OTOGL: variants seen among roughly 807,000 people sequenced by gnomAD.
The protein encoded by OTOGL is otogelin-like protein.
OTOGL carries 285 observed loss-of-function variants against 318.5 expected under a neutral mutation model. The ratio of observed to expected loss-of-function variants is 0.89; its 90% CI spans 0.81 to 0.99. The LOEUF (loss-of-function observed/expected upper bound fraction) is 0.99, where lower values mean the gene tolerates loss of function less well. OTOGL is among the 50% of genes least tolerant of loss of function. The pLI is 0.00. For missense variants in OTOGL, 2,899 were observed against 2,845.6 expected, an observed-to-expected ratio of 1.02 and a Z score of -0.43; for synonymous variants, 987 against 936.5, an observed-to-expected ratio of 1.05 and a Z score of -0.99.
chr12:80,313,517 A>G lies in OTOGL; in HGVS notation c.3492A>G (p.Thr1164=), dbSNP rs750664320. The G allele has an allele frequency of 2.5e-6, 4 of 1,612,442 alleles. No individual in the cohort carries two copies. The highest frequency in any genetic ancestry group is 2.2e-5 in the East Asian group (1 of 44,810). ...TTGCCAAAAATTGTCATGAAGATAC[A>G]TGTAACTGCAATCTTGGTGGCGACT... The part of the protein sequence containing the change: ...TSFAKNCHED[T]CNCNLGGDCE... Residue 1164 remains threonine (T), a synonymous_variant, in exon 31 of 59, where the codon ACA becomes ACG. Transcript: ENST00000547103.
intron 1 of OTOGL, among the ~76,000 whole-genome samples, chr12:80,175,570 T>G (rs1874473798): frequency 6.6e-6 from 1 of 152,164 alleles, no homozygotes; most frequent in South Asian, 2.1e-4. Flanking sequence ...GGAATGTGTG[T>G]TCTTTTATCT....
rs1262015121 is a variant in OTOGL, at chr12:80,307,871, AC to A, written c.3333+2183del. Among the ~76,000 whole-genome samples, 10 of 101,246 alleles carry A rather than the reference AC, an allele frequency of 9.9e-5. No homozygotes were observed. The South Asian group carries it at 3.1e-3, about 32-fold the overall frequency. 66.4% of individuals were successfully genotyped at this position (101,246 alleles called of 152,430 possible). On this transcript the variant is annotated intron_variant, in intron 29 of 58. Transcript: ENST00000547103. ...GGGCGGCTGGCCGGGCGGGGGGCTG[AC>A]CCCCCCACCTCCCTCCCTCCCGGAC...
At chr12:80,107,469 G>A (rs573676581) in intron 1 of OTOGL, among the ~76,000 whole-genome samples, 15 of 152,248 alleles carry the variant, frequency 9.9e-5, no homozygotes, top group African/African-American at 2.2e-4. Flanking sequence ...GTGAGGTTGC[G>A]GAGAAGAGGA....
At chr12:80,294,598 C>A (rs1250967811) in intron 26 of OTOGL, among the ~76,000 whole-genome samples, 1 of 152,100 alleles carries the variant, frequency 6.6e-6, no homozygotes, top group African/African-American at 2.4e-5. Flanking sequence ...AAGCTCCCAG[C>A]ATCTATGAAG....
At chr12:80,200,273 C>T (rs746827414) in intron 1 of OTOGL, among the ~76,000 whole-genome samples, 28 of 152,070 alleles carry the variant, frequency 1.8e-4, no homozygotes, top group Non-Finnish European at 3.8e-4. Context: ...AGCACAATTT[C>T]CTAAGATGTG....
At chr12:80,115,426 G>T (rs1870101185) in intron 1 of OTOGL, among the ~76,000 whole-genome samples, 1 of 152,134 alleles carries the variant, frequency 6.6e-6, no homozygotes, top group African/African-American at 2.4e-5. Context: ...ACCCGCTGAG[G>T]CTGCATAACA....
intron 32 of OTOGL, 130 bp from the exon 33 acceptor site, chr12:80,318,416 T>C: frequency 1.8e-6 from 1 of 540,638 alleles, no homozygotes; most frequent in Non-Finnish European, 2.8e-6. Context: ...ATTCAGTTAT[T>C]TTATTAGTGA....
chr12:80,292,264 AG>A (rs1885095712), intron 26 of OTOGL, among the ~76,000 whole-genome samples: 1 of 152,366 alleles, frequency 6.6e-6, no homozygotes, highest in East Asian at 1.9e-4. Context: ...CTGAGATTAC[AG>A]GCATGAGCCA....
intron 1 of OTOGL, among the ~76,000 whole-genome samples, chr12:80,205,508 A>G (rs994697657): frequency 3.9e-5 from 6 of 152,208 alleles, no homozygotes; most frequent in Admixed American, 3.3e-4. Context: ...TTCTAAAATT[A>G]TATGAAACAT....
At chr12:80,243,908 C>A (rs1330571865) in intron 11 of OTOGL, among the ~76,000 whole-genome samples, 1 of 148,334 alleles carries the variant, frequency 6.7e-6, no homozygotes, top group Non-Finnish European at 1.5e-5. Flanking sequence ...GAAATTTGAT[C>A]CTCCTTCTCT....
rs1328196696 is a variant in OTOGL at position 80,278,288 on chromosome 12, A to C, written c.2789+13A>C. ...CGTGTTACACCTGGTAAGGAGATCC[A>C]TTTATTTCACAAATATTTTCCTAAG... On this transcript the variant is annotated intron_variant, in intron 25 of 58. Transcript: ENST00000547103. 1.1e-5 allele frequency: 16 copies of C among 1,474,690 alleles called. No individual in the cohort carries two copies. The highest frequency in any genetic ancestry group is 1.5e-5 in the Non-Finnish European group (16 of 1,081,906). 91.4% of individuals were successfully genotyped at this position (1,474,690 alleles called of 1,614,324 possible).
intron 7 of OTOGL, among the ~76,000 whole-genome samples, chr12:80,225,269 T>C (rs916554772): frequency 1.3e-5 from 2 of 152,024 alleles, no homozygotes; most frequent in African/African-American, 4.8e-5. Flanking sequence ...CTCACTTGAA[T>C]ACCCTTTGAC....
intron 29 of OTOGL, among the ~76,000 whole-genome samples, chr12:80,307,513 C>G (rs1261211477): frequency 2.0e-5 from 3 of 147,726 alleles, no homozygotes; most frequent in Non-Finnish European, 4.5e-5. Context: ...TAGGGGCGGC[C>G]GGGCGGAGGC....
chr12:80,211,732 G>C (rs1877270240), intron 3 of OTOGL, among the ~76,000 whole-genome samples: 1 of 152,078 alleles, frequency 6.6e-6, no homozygotes, highest in Admixed American at 6.5e-5. Flanking sequence ...GGAGAAATTT[G>C]GGGACACTTC....
chr12:80,152,499 G>C (rs1452516730), intron 1 of OTOGL, among the ~76,000 whole-genome samples: 1 of 152,082 alleles, frequency 6.6e-6, no homozygotes, highest in East Asian at 1.9e-4. Flanking sequence ...TGACAAAATA[G>C]ATGGAAATAA....
Position 80,254,547 on chromosome 12 carries a change from AC to A in OTOGL, c.1419del (p.Cys474AlafsTer13), listed in dbSNP as rs778248137. The stretch of plus-strand genomic sequence containing the variant: ...AGTGTGTGTGTTGGTGGAGTTTGGA[AC>A]TGCACTGAGCAAGACTGTCCAGGTA... ...TECVCVGGVW[N>X]CTEQDCPVQC... On this transcript the variant is annotated frameshift_variant, in exon 15 of 59. Coordinates refer to ENST00000547103, the MANE Select transcript of OTOGL (RefSeq NM_001378609.3). LOFTEE classifies it high-confidence loss of function. The A allele has an allele frequency of 6.2e-7, 1 of 1,608,658 alleles. No homozygotes were observed. Among genetic ancestry groups the A allele is most frequent in the Admixed American group, 1.7e-5 (1 of 59,792 alleles).
chr12:80,328,210 T>C (rs1361811758), intron 35 of OTOGL, among the ~76,000 whole-genome samples: 2 of 151,820 alleles, frequency 1.3e-5, no homozygotes, highest in Non-Finnish European at 2.9e-5. Flanking sequence ...TCCAAGCTAC[T>C]CAGGAGGCTG....
chr12:80,204,277 A>G (rs964409300), intron 1 of OTOGL, among the ~76,000 whole-genome samples: 1 of 152,168 alleles, frequency 6.6e-6, no homozygotes, highest in Non-Finnish European at 1.5e-5. Context: ...TTTCCATATC[A>G]ATCTTGCCAA....
At position 80,267,326 on chromosome 12, in the gene OTOGL, T is replaced by A. The variant is rs1332337408; in HGVS notation, c.2464T>A (p.Cys822Ser). ...GCTCATCCCCACACCCTCGGGCTTA[T>A]GGTAGGTTTCAATGATGGGGATTGT... Reference protein sequence around the residue: ...GELIPTPSGLCQCSNGTVKCD... With the variant: ...GELIPTPSGLSQCSNGTVKCD... The change falls in exon 22 of 59, where the codon TGC (cysteine) becomes AGC (serine). Residue 822 changes from cysteine (C) to serine (S), a missense_variant and splice_region_variant. Transcript: ENST00000547103. The A allele has an allele frequency of 3.3e-6, 5 of 1,494,236 alleles. No individual in the cohort carries two copies. The highest frequency in any genetic ancestry group is 4.6e-6 in the Non-Finnish European group (5 of 1,092,300). The allele number at this position is 1,494,236 out of a possible 1,614,324, so 92.6% of individuals were successfully genotyped here.
Sources: gnomAD v4.1 joint callset for allele counts (sites outside exome capture counted in the v4.1 genomes callset) on GRCh38, gnomAD v4.1.1 for gene constraint, MANE v1.5 for transcripts, NCBI Gene and HGNC (gene_info 2026-07-23, HGNC 2026-07-21) for gene names.